ABI3BP: variants seen among roughly 807,000 people sequenced by gnomAD.
ABI3BP encodes target of Nesh-SH3.
In ABI3BP, 216 loss-of-function variants were observed where a neutral mutation model predicts 268.6. The observed-to-expected ratio is 0.80, with a 90% CI of 0.72 to 0.90. The LOEUF is 0.90. ABI3BP is among the 40% of genes least tolerant of loss of function. ABI3BP has a pLI of 0.00. For synonymous variants in ABI3BP, 730 were observed against 730.0 expected, an observed-to-expected ratio of 1.00 and a Z score of 0.00; for missense variants, 2,090 against 2,182.4, an observed-to-expected ratio of 0.96 and a Z score of 0.84.
chr3:100,820,364 G>T, intron 39 of ABI3BP, 61 bp from the exon 40 acceptor site: 1 of 1,306,670 alleles, frequency 7.7e-7, no homozygotes, highest in South Asian at 1.4e-5. Flanking sequence ...TGAGTAGCAT[G>T]ACATACGGTT....
At chr3:100,793,340 C>A (rs745306174) in intron 54 of ABI3BP, among the ~76,000 whole-genome samples, 3 of 151,950 alleles carry the variant, frequency 2.0e-5, no homozygotes, top group Admixed American at 6.6e-5. Context: ...ATAGACACAG[C>A]AAATTACACT....
At chr3:100,759,049 T>C (rs1325649149) in intron 63 of ABI3BP, among the ~76,000 whole-genome samples, 1 of 152,232 alleles carries the variant, frequency 6.6e-6, no homozygotes, top group Non-Finnish European at 1.5e-5. Flanking sequence ...GTTTTCATTA[T>C]TTAATAAACT....
chr3:100,970,224 C>A (rs780796995), intron 1 of ABI3BP, among the ~76,000 whole-genome samples: 1 of 152,188 alleles, frequency 6.6e-6, no homozygotes, highest in Non-Finnish European at 1.5e-5. Context: ...GTTGAATGAA[C>A]GACTGGCTTT....
chr3:100,839,953 CAGTTATA>C, intron 23 of ABI3BP, 112 bp downstream of exon 23: 2 of 759,602 alleles, frequency 2.6e-6, no homozygotes, highest in East Asian at 2.7e-5. Flanking sequence ...TACAGATGCT[CAGTTATA>C]AAAGTCAATT....
chr3:100,831,173 C>T (rs2098485443), intron 31 of ABI3BP, among the ~76,000 whole-genome samples: 1 of 152,098 alleles, frequency 6.6e-6, no homozygotes, highest in South Asian at 2.1e-4. Flanking sequence ...TCTCTGACAT[C>T]TTTTTAACCA....
chr3:100,796,281 G>A (rs1431657365), intron 52 of ABI3BP, 128 bp downstream of exon 52: 31 of 672,070 alleles, frequency 4.6e-5, no homozygotes, highest in Non-Finnish European at 6.2e-5. Flanking sequence ...CAAGAAATAT[G>A]CATTTTATAC....
chr3:100,811,653 A>G, intron 47 of ABI3BP, 75 bp downstream of exon 47: 6 of 1,416,408 alleles, frequency 4.2e-6, no homozygotes, highest in Non-Finnish European at 5.8e-6. Context: ...TTGAACTTTC[A>G]TATTCCGTGG....
intron 14 of ABI3BP, among the ~76,000 whole-genome samples, chr3:100,852,300 A>G (rs1469685654): frequency 6.6e-6 from 1 of 152,206 alleles, no homozygotes; most frequent in Non-Finnish European, 1.5e-5. Flanking sequence ...GAGATTTTCA[A>G]AGAAGGAAAA....
intron 38 of ABI3BP, among the ~76,000 whole-genome samples, chr3:100,821,942 C>G (rs567929167): frequency 6.6e-6 from 1 of 152,108 alleles, no homozygotes; most frequent in African/African-American, 2.4e-5. Context: ...TAGACTGTCT[C>G]CTCTGGTTGG....
intron 2 of ABI3BP, among the ~76,000 whole-genome samples, chr3:100,910,050 A>C (rs2055566232): frequency 1.3e-5 from 2 of 152,254 alleles, no homozygotes; most frequent in African/African-American, 4.8e-5. Flanking sequence ...GTGGATAAAG[A>C]AAATGTGGCA....
intron 2 of ABI3BP, among the ~76,000 whole-genome samples, chr3:100,910,312 G>A (rs1271246032): frequency 6.6e-6 from 1 of 152,064 alleles, no homozygotes; most frequent in Non-Finnish European, 1.5e-5. Context: ...TAATGTAGAT[G>A]ATGGGTTGAT....
chr3:100,818,484 A>G, intron 41 of ABI3BP, 41 bp downstream of exon 41: 2 of 1,476,486 alleles, frequency 1.4e-6, no homozygotes, highest in Non-Finnish European at 9.1e-7. Context: ...TATGACAATA[A>G]GCAGGAAAAG....
chr3:100,988,194 G>A (rs1257456132), intron 1 of ABI3BP, among the ~76,000 whole-genome samples: 2 of 152,180 alleles, frequency 1.3e-5, no homozygotes, highest in African/African-American at 4.8e-5. Context: ...GGACTGAGCT[G>A]TTGGAGTGAC....
intron 3 of ABI3BP, 107 bp downstream of exon 3, chr3:100,902,511 C>T: frequency 1.0e-5 from 10 of 980,126 alleles, no homozygotes; most frequent in Non-Finnish European, 1.5e-5. Context: ...ACCTCCTCTA[C>T]ATTCTTAAAG....
chr3:100,964,120 A>G (rs536585408), intron 1 of ABI3BP, among the ~76,000 whole-genome samples: 1 of 152,236 alleles, frequency 6.6e-6, no homozygotes, highest in East Asian at 1.9e-4. Context: ...TTTGTAGCAA[A>G]AAGGAGCCTG....
chr3:100,867,070 G>A (rs2099057982), intron 9 of ABI3BP, 114 bp from the exon 10 acceptor site: 2 of 721,750 alleles, frequency 2.8e-6, no homozygotes, highest in Admixed American at 5.1e-5. Flanking sequence ...TTCCCCACCA[G>A]CCAGTCAACA....
intron 1 of ABI3BP, among the ~76,000 whole-genome samples, chr3:100,972,193 T>G (rs1398219131): frequency 3.9e-5 from 6 of 152,178 alleles, no homozygotes; most frequent in African/African-American, 1.4e-4. Context: ...AAAACTTACA[T>G]CATATAAATT....
At position 100,796,452 on chromosome 3, in the gene ABI3BP, G is replaced by A. The variant is rs370188378; in HGVS notation, c.3774C>T (p.Leu1258=). The A allele has an allele frequency of 6.9e-6, 11 of 1,602,582 alleles. No individual in the cohort carries two copies. In the African/African-American group the frequency reaches 9.4e-5, roughly 14 times the overall value. ...CCTCAGGGTATGGTTTATGAGGAAG[G>A]AGCACATCTTTTGGAGCTGAAAGAA... The part of the protein sequence containing the change: ...SYTTPAPKDV[L]LPHKPYPEVS... The change falls in exon 52 of 68, where the codon CTC becomes CTT. Residue 1258 remains leucine, a synonymous_variant. Coordinates refer to ENST00000471714, the MANE Select transcript of ABI3BP (RefSeq NM_001375547.2).
intron 2 of ABI3BP, among the ~76,000 whole-genome samples, chr3:100,914,989 G>C (rs2058105927): frequency 6.6e-6 from 1 of 152,120 alleles, no homozygotes; most frequent in Non-Finnish European, 1.5e-5. Flanking sequence ...TGCAGGGTCG[G>C]ATGCAAAATC....
Sources: allele counts gnomAD v4.1 joint callset (sites outside exome capture counted in the v4.1 genomes callset), GRCh38; gene constraint gnomAD v4.1.1; transcripts MANE v1.5; gene names NCBI Gene and HGNC (gene_info 2026-07-23, HGNC 2026-07-21).